The following NKD1 variants were observed in gnomAD, a reference collection of about 807,000 sequenced individuals.
The protein encoded by NKD1 is NKD inhibitor of Wnt signaling pathway 1.
A neutral mutation model predicts 56.0 loss-of-function variants in NKD1; 21 were observed. The observed-to-expected ratio is 0.38, with a 90% CI of 0.27 to 0.54. NKD1 has a LOEUF of 0.54. NKD1 is among the 20% of genes least tolerant of loss of function. The probability of loss-of-function intolerance (pLI) is 0.82; values close to 1 mark genes in which losing one functional copy is unlikely to be tolerated. For missense variants in NKD1, 578 were observed against 642.7 expected (o/e 0.90, Z 1.09); for synonymous variants, 263 against 265.7 (o/e 0.99, Z 0.10).
rs919995823 is a variant in NKD1 at position 50,636,740 on chromosome 16, A to C, written c.*2959A>C. The C allele has an allele frequency of 3.3e-5, 5 of 152,220 alleles. No individual in the cohort carries two copies. The highest frequency in any genetic ancestry group is 2.9e-5 in the Non-Finnish European group (2 of 68,034). 9.4% of individuals were successfully genotyped at this position (152,220 alleles called of 1,614,324 possible). ...TGCATTTCTATATCTTCCCATATGC[A>C]TTTTGTTAATTTTTAAAGTATTTCA... On this transcript the variant is annotated 3_prime_UTR_variant, in exon 10 of 10. Transcript: ENST00000268459.
Position 50,598,480 on chromosome 16 carries a change from G to C in NKD1, c.193-9814G>C, listed in dbSNP as rs373535977. On this transcript the variant is annotated intron_variant, in intron 3 of 9. Coordinates refer to ENST00000268459, the MANE Select transcript of NKD1 (RefSeq NM_033119.5). The surrounding 1 kb of genome is among the most constrained non-coding windows in gnomAD (Gnocchi z 4.2). Reference sequence around the variant, plus strand: ...AGCACACATCCTTTCCCCACAGTGAGGTGGCCTATGGCTATGGGGCACCCT... The same window carrying C: ...AGCACACATCCTTTCCCCACAGTGACGTGGCCTATGGCTATGGGGCACCCT... 1.3e-5 allele frequency among the ~76,000 whole-genome samples: 2 copies of C among 152,182 alleles called. No individual in the cohort carries two copies. Among genetic ancestry groups the C allele is most frequent in the East Asian group, 3.9e-4 (2 of 5,176 alleles).
intron 4 of NKD1, among the ~76,000 whole-genome samples, chr16:50,616,477 C>T (rs1416928600): frequency 1.3e-5 from 2 of 152,228 alleles, no homozygotes; most frequent in Non-Finnish European, 2.9e-5. Flanking sequence ...TCCCAGTCTC[C>T]ATCAAGGCAG....
At chr16:50,586,148 C>A (rs887111079) in intron 3 of NKD1, among the ~76,000 whole-genome samples, 10 of 152,200 alleles carry the variant, frequency 6.6e-5, no homozygotes, top group African/African-American at 2.4e-4. Context: ...ATGCCAGGTC[C>A]ATTTCCCTGG....
rs1483596865 is a variant in NKD1, at chr16:50,562,983, A to ACCCCCCCCCC, written c.192+13430_192+13431insCCCCCCCCCC. Among the ~76,000 whole-genome samples, 38 of 53,518 alleles carry ACCCCCCCCCC rather than the reference A, an allele frequency of 7.1e-4. 1 individual carries two copies. The highest frequency in any genetic ancestry group is 1.1e-3 in the African/African-American group (11 of 10,048). The allele number at this position is 53,518 out of a possible 152,430, so 35.1% of individuals were successfully genotyped here. On this transcript the variant is annotated intron_variant, in intron 3 of 9. Transcript: ENST00000268459. Reference sequence around the variant, plus strand: ...CTTGAAAGGGCTGCTAGGTCCCACCACCACCCCCCCCCCCCGCCGTAGAAT... The same window carrying ACCCCCCCCCC: ...CTTGAAAGGGCTGCTAGGTCCCACCACCCCCCCCCCCCACCCCCCCCCCCCGCCGTAGAAT...
intron 3 of NKD1, among the ~76,000 whole-genome samples, chr16:50,590,313 T>C (rs1277240544): frequency 1.3e-5 from 2 of 152,236 alleles, no homozygotes; most frequent in African/African-American, 2.4e-5. Flanking sequence ...CAGATCCTCA[T>C]GTAAGTCTGG....
chr16:50,548,764 G>T lies in NKD1; in HGVS notation c.58+15G>T. On this transcript the variant is annotated intron_variant, in intron 2 of 9. Coordinates refer to ENST00000268459, the MANE Select transcript of NKD1 (RefSeq NM_033119.5). ...GAGCCCGGAAGGTAGGGGCGCGCGG[G>T]GCGCAGACCTCGGGGATGGACGCGG... The T allele has an allele frequency of 7.1e-7, 1 of 1,406,250 alleles. No homozygotes were observed. The highest frequency in any genetic ancestry group is 9.2e-7 in the Non-Finnish European group (1 of 1,091,972). The allele number at this position is 1,406,250 out of a possible 1,614,324, so 87.1% of individuals were successfully genotyped here.
chr16:50,598,838 CAGT>C lies in NKD1; in HGVS notation c.193-9455_193-9453del, dbSNP rs912650687. Reference sequence around the variant, plus strand: ...GCGATGTGCAGTGGCATGGTAGAGTCAGTGGTGCAATGTTCAGTGGTGTGGCGG... The same window carrying C: ...GCGATGTGCAGTGGCATGGTAGAGTCGGTGCAATGTTCAGTGGTGTGGCGG... On this transcript the variant is annotated intron_variant, in intron 3 of 9. Transcript: ENST00000268459. This position sits in a 1 kb window ranked among gnomAD's most constrained non-coding sequence, Gnocchi z 4.2. 6.7e-6 allele frequency among the ~76,000 whole-genome samples: 1 copy of C among 149,812 alleles called. No homozygotes were observed. Among genetic ancestry groups the C allele is most frequent in the Non-Finnish European group, 1.5e-5 (1 of 67,508 alleles).
At chr16:50,628,467 G>C (rs1029421270) in intron 6 of NKD1, among the ~76,000 whole-genome samples, 1 of 152,196 alleles carries the variant, frequency 6.6e-6, no homozygotes, top group Non-Finnish European at 1.5e-5. Flanking sequence ...CCATGGATGG[G>C]GTTGCTTCAT....
chr16:50,616,867 G>A (rs1035848916), intron 4 of NKD1, among the ~76,000 whole-genome samples: 1 of 152,192 alleles, frequency 6.6e-6, no homozygotes, highest in Non-Finnish European at 1.5e-5. Flanking sequence ...CATATCTAGG[G>A]TATTGGTCAT....
chr16:50,564,166 C>T (rs996420980), intron 3 of NKD1, among the ~76,000 whole-genome samples: 2 of 152,254 alleles, frequency 1.3e-5, no homozygotes, highest in East Asian at 3.8e-4. Flanking sequence ...CTTGGTTAGC[C>T]CTGGCTGGCC....
At chr16:50,588,598 CTTTTTTT>C (rs574622414) in intron 3 of NKD1, among the ~76,000 whole-genome samples, 21 of 94,678 alleles carry the variant, frequency 2.2e-4, no homozygotes, top group African/African-American at 3.7e-4. Context: ...TTTTCTTCTG[CTTTTTTT>C]TTTTTTTTTT....
At chr16:50,592,104 G>A (rs1483029394) in intron 3 of NKD1, among the ~76,000 whole-genome samples, 1 of 152,234 alleles carries the variant, frequency 6.6e-6, no homozygotes, top group Non-Finnish European at 1.5e-5. Flanking sequence ...AAGGCCACAG[G>A]GAGACGCCAG....
rs113893928 is a variant in NKD1 at position 50,572,805 on chromosome 16, G to A, written c.192+23250G>A. On this transcript the variant is annotated intron_variant, in intron 3 of 9. Transcript: ENST00000268459. The stretch of plus-strand genomic sequence containing the variant: ...TCCGACAGAGACAGATCCAAAGCCA[G>A]TTTCTTTCAAGCCCAGGAGATGTGG... 5.9e-4 allele frequency: 494 copies of A among 837,630 alleles called. 2 individuals are homozygous for A. In the African/African-American group the frequency reaches 8.0e-3, roughly 14 times the overall value. The allele number at this position is 837,630 out of a possible 1,614,324, so 51.9% of individuals were successfully genotyped here. A position where few individuals can be genotyped will look rare whatever the true frequency, so the allele number is the denominator to read the frequency against.
rs929177225 is a variant in NKD1, at chr16:50,646,040, A to G, written c.*12259A>G. ...TGTTCCCACTTTGTGCTTTGCTTCT[A>G]ACAGACAGCCTGGGACCTTTGAAGT... On this transcript the variant is annotated 3_prime_UTR_variant, in exon 10 of 10. Coordinates refer to ENST00000268459, the MANE Select transcript of NKD1 (RefSeq NM_033119.5). 3 of 149,810 alleles carry G rather than the reference A, an allele frequency of 2.0e-5. No homozygotes were observed. The highest frequency in any genetic ancestry group is 7.3e-5 in the African/African-American group (3 of 40,864). The allele number at this position is 149,810 out of a possible 1,614,324, so 9.3% of individuals were successfully genotyped here.
At chr16:50,599,889 T>C (rs1031086313) in intron 3 of NKD1, among the ~76,000 whole-genome samples, 6 of 152,196 alleles carry the variant, frequency 3.9e-5, no homozygotes, top group African/African-American at 1.4e-4. Context: ...TTTTCTGTTG[T>C]TGGTGTTGGT....
Position 50,636,531 on chromosome 16 carries a change from T to C in NKD1, c.*2750T>C, listed in dbSNP as rs559371633. On this transcript the variant is annotated 3_prime_UTR_variant, in exon 10 of 10. Transcript: ENST00000268459. Reference sequence around the variant, plus strand: ...TGGCCTAGGGCCCCTCAGTGTAATGTAGGGGTTGTGAGCACAGACTTTGGT... The same window carrying C: ...TGGCCTAGGGCCCCTCAGTGTAATGCAGGGGTTGTGAGCACAGACTTTGGT... 4 of 152,276 alleles carry C rather than the reference T, an allele frequency of 2.6e-5. No homozygotes were observed. In the South Asian group the frequency reaches 8.3e-4, roughly 32 times the overall value. The allele number at this position is 152,276 out of a possible 1,614,324, so 9.4% of individuals were successfully genotyped here.
rs1962526700 is a variant in NKD1, at chr16:50,639,023, A to T, written c.*5242A>T. On this transcript the variant is annotated 3_prime_UTR_variant, in exon 10 of 10. Transcript: ENST00000268459. ...TGTTGGCAATGGGTCGGGGAGGCAG[A>T]GGGGATGCTCACACCAGTAATTCTC... The T allele has an allele frequency of 6.6e-6, 1 of 152,280 alleles. No homozygotes were observed. Among genetic ancestry groups the T allele is most frequent in the South Asian group, 2.1e-4 (1 of 4,830 alleles). 9.4% of individuals were successfully genotyped at this position (152,280 alleles called of 1,614,324 possible).
rs1961508311 is a variant in NKD1 at position 50,597,926 on chromosome 16, G to A, written c.193-10368G>A. Among the ~76,000 whole-genome samples, 6 of 152,184 alleles carry A rather than the reference G, an allele frequency of 3.9e-5. No homozygotes were observed. In the South Asian group the frequency reaches 1.2e-3, roughly 31 times the overall value. ...ATTATGTCCTCATCTGGTGGTTGGG[G>A]ATGGTGGGAAGTCGAAATCCACAGT... On this transcript the variant is annotated intron_variant, in intron 3 of 9. Transcript: ENST00000268459.
chr16:50,626,643 G>T (rs972626974), intron 6 of NKD1, among the ~76,000 whole-genome samples: 2 of 152,226 alleles, frequency 1.3e-5, no homozygotes, highest in African/African-American at 4.8e-5. Context: ...GGCCTTGGAG[G>T]CCCTGGCAGG....
Sources: gnomAD v4.1 joint callset for allele counts (sites outside exome capture counted in the v4.1 genomes callset) on GRCh38, gnomAD v4.1.1 for gene constraint, Gnocchi (gnomAD v3.1) non-coding constraint, MANE v1.5 for transcripts, NCBI Gene and HGNC (gene_info 2026-07-23, HGNC 2026-07-21) for gene names.